Variants in OR9Q1 observed in about 807,000 individuals in gnomAD.
The protein encoded by OR9Q1 is olfactory receptor family 9 subfamily Q member 1.
For missense variants in OR9Q1, 374 were observed against 378.8 expected (o/e 0.99, Z 0.11); for synonymous variants, 153 against 148.6 (o/e 1.03, Z -0.22).
chr11:58,046,256 G>A (rs1283493414), intron 1 of OR9Q1, among the ~76,000 whole-genome samples: 1 of 150,182 alleles, frequency 6.7e-6, no homozygotes, highest in Non-Finnish European at 1.5e-5. Flanking sequence ...CTGCTTCCTT[G>A]TTCATAAGCA....
intron 2 of OR9Q1, among the ~76,000 whole-genome samples, chr11:58,113,188 C>A (rs2120114283): frequency 6.6e-6 from 1 of 152,232 alleles, no homozygotes; most frequent in Non-Finnish European, 1.5e-5. Flanking sequence ...AGAAGCAGGG[C>A]TCTACTGTTA....
chr11:58,074,614 G>A (rs3018841), intron 2 of OR9Q1, among the ~76,000 whole-genome samples: 141,814 of 152,234 alleles, frequency 0.93, 66,276 homozygotes, highest in South Asian at 0.97. Context: ...GTTTAATTAG[G>A]TCCCATTTAT....
chr11:58,164,230 CG>C (rs1383543696), intron 2 of OR9Q1, among the ~76,000 whole-genome samples: 1 of 152,036 alleles, frequency 6.6e-6, no homozygotes, highest in Non-Finnish European at 1.5e-5. Flanking sequence ...AATCCTTCCA[CG>C]TTCCTGTCTT....
chr11:58,031,005 G>T, intron 1 of OR9Q1: 1 of 1,614,074 alleles, frequency 6.2e-7, no homozygotes, highest in Non-Finnish European at 8.5e-7. Context: ...GTCATGATGG[G>T]CTTTGCTGGC....
chr11:58,130,216 A>G (rs1352975117), intron 2 of OR9Q1, among the ~76,000 whole-genome samples: 1 of 152,334 alleles, frequency 6.6e-6, no homozygotes, highest in East Asian at 1.9e-4. Context: ...AAAGTTAAAC[A>G]CTTCAATAGA....
rs374033367 is a variant in OR9Q1 at position 58,128,122 on chromosome 11, T to C, written c.-14-51309T>C. On this transcript the variant is annotated intron_variant, in intron 2 of 2. Coordinates refer to ENST00000335397, the MANE Select transcript of OR9Q1 (RefSeq NM_001005212.4). Reference sequence around the variant, plus strand: ...CTGTCAAAATGAGCATCACTAGATATTATGAAAAGGGTATCACTTTCATAA... The same window carrying C: ...CTGTCAAAATGAGCATCACTAGATACTATGAAAAGGGTATCACTTTCATAA... Among the ~76,000 whole-genome samples, 28 of 152,120 alleles carry C rather than the reference T, an allele frequency of 1.8e-4. No homozygotes were observed. The East Asian group carries it at 4.1e-3, about 22-fold the overall frequency.
intron 1 of OR9Q1, among the ~76,000 whole-genome samples, chr11:58,054,205 AC>A (rs1403854671): frequency 2.6e-5 from 4 of 152,220 alleles, no homozygotes; most frequent in African/African-American, 9.6e-5. Flanking sequence ...CCCTCTAGTG[AC>A]TTTAGATCCA....
chr11:58,180,502 A>G lies in OR9Q1; in HGVS notation c.*125A>G. The G allele has an allele frequency of 1.8e-6, 1 of 550,650 alleles. No homozygotes were observed. The highest frequency in any genetic ancestry group is 3.1e-6 in the Non-Finnish European group (1 of 326,352). 34.1% of individuals were successfully genotyped at this position (550,650 alleles called of 1,614,324 possible). On this transcript the variant is annotated 3_prime_UTR_variant, in exon 3 of 3. Transcript: ENST00000335397. The stretch of plus-strand genomic sequence containing the variant: ...ATTATGGTACTAGGTATAAAAAAGA[A>G]CCAGAACTTTTAGCTCCAGGGAGAG...
At chr11:58,061,538 G>T (rs960823917) in intron 2 of OR9Q1, among the ~76,000 whole-genome samples, 3 of 152,298 alleles carry the variant, frequency 2.0e-5, no homozygotes, top group Non-Finnish European at 4.4e-5. Flanking sequence ...TCAGTAACTA[G>T]CGTTTGTAAG....
chr11:58,109,704 G>A (rs777869304), intron 2 of OR9Q1: 38 of 396,932 alleles, frequency 9.6e-5, no homozygotes. Flanking sequence ...TAATGAAATT[G>A]AGATTCCAGA....
chr11:58,053,625 A>AAAT (rs1853293188), intron 1 of OR9Q1, among the ~76,000 whole-genome samples: 2 of 111,364 alleles, frequency 1.8e-5, no homozygotes, highest in Non-Finnish European at 3.4e-5. Context: ...ATATATATAT[A>AAAT]TAAAATATAT....
At chr11:58,165,492 T>A (rs1432945030) in intron 2 of OR9Q1, among the ~76,000 whole-genome samples, 1 of 152,226 alleles carries the variant, frequency 6.6e-6, no homozygotes, top group Admixed American at 6.5e-5. Flanking sequence ...CCAAATAGAC[T>A]AAGTTGGCTA....
At chr11:58,083,590 A>ATTGATATATAGGAAGCTTGTG (rs1853608992) in intron 2 of OR9Q1, among the ~76,000 whole-genome samples, 1 of 151,568 alleles carries the variant, frequency 6.6e-6, no homozygotes, top group African/African-American at 2.4e-5. Context: ...TCTTAAATTT[A>ATTGATATATAGGAAGCTTGTG]AGGTCTTACA....
At chr11:58,164,689 G>A (rs1230569542) in intron 2 of OR9Q1, among the ~76,000 whole-genome samples, 1 of 152,130 alleles carries the variant, frequency 6.6e-6, no homozygotes, top group East Asian at 1.9e-4. Context: ...CATTCTCTCG[G>A]TAGTCCAACA....
chr11:58,033,662 C>T (rs1178458042), intron 1 of OR9Q1, among the ~76,000 whole-genome samples: 2 of 151,976 alleles, frequency 1.3e-5, no homozygotes, highest in African/African-American at 4.8e-5. Context: ...TACTATGTTC[C>T]CATCTAGGTG....
At chr11:58,114,926 T>C (rs1250936239) in intron 2 of OR9Q1, among the ~76,000 whole-genome samples, 1 of 152,120 alleles carries the variant, frequency 6.6e-6, no homozygotes. Flanking sequence ...CAGGTTGGTC[T>C]CATCTATTAG....
At chr11:58,090,174 C>G (rs1368934269) in intron 2 of OR9Q1, among the ~76,000 whole-genome samples, 1 of 152,120 alleles carries the variant, frequency 6.6e-6, no homozygotes, top group Non-Finnish European at 1.5e-5. Flanking sequence ...TCAGAACTTT[C>G]AATACTATGT....
intron 2 of OR9Q1, among the ~76,000 whole-genome samples, chr11:58,156,369 T>G (rs1448874639): frequency 1.3e-5 from 2 of 152,212 alleles, no homozygotes; most frequent in Non-Finnish European, 2.9e-5. Flanking sequence ...TGTGATCTGC[T>G]GCTACCTTGT....
chr11:58,071,919 G>T (rs977105007), intron 2 of OR9Q1, among the ~76,000 whole-genome samples: 1 of 152,226 alleles, frequency 6.6e-6, no homozygotes, highest in African/African-American at 2.4e-5. Context: ...GAGGGTGGAG[G>T]GTAGGAGGAG....
Sources: gnomAD v4.1 joint callset for allele counts (sites outside exome capture counted in the v4.1 genomes callset) on GRCh38, gnomAD v4.1.1 for gene constraint, MANE v1.5 for transcripts, NCBI Gene and HGNC (gene_info 2026-07-23, HGNC 2026-07-21) for gene names.